OR1J2: variants seen among roughly 807,000 people sequenced by gnomAD.
OR1J2 encodes olfactory receptor family 1 subfamily J member 2, also known as olfactory receptor 1J2.
For missense variants in OR1J2, 304 were observed against 246.1 expected, an observed-to-expected ratio of 1.24 and a Z score of -1.57; for synonymous variants, 142 against 99.7, an observed-to-expected ratio of 1.42 and a Z score of -2.52.
At chr9:122,535,173 T>C in the OR1J2 span, among the ~76,000 whole-genome samples, 1 of 150,590 alleles carries the variant, frequency 6.6e-6, no homozygotes, top group East Asian at 2.0e-4. Flanking sequence ...GGAAAGGGGT[T>C]GGGGCATGGA....
chr9:122,560,993 A>G, the OR1J2 span, among the ~76,000 whole-genome samples: 1 of 152,140 alleles, frequency 6.6e-6, no homozygotes, highest in Non-Finnish European at 1.5e-5. Context: ...CTTTTTACAT[A>G]GTCCCATATT....
At chr9:122,470,427 T>G in the OR1J2 span, among the ~76,000 whole-genome samples, 1 of 152,184 alleles carries the variant, frequency 6.6e-6, no homozygotes, top group Non-Finnish European at 1.5e-5. Flanking sequence ...AGATTTCAGA[T>G]GTATGGAAAT....
At chr9:122,496,544 T>C in the OR1J2 span, among the ~76,000 whole-genome samples, 1 of 152,144 alleles carries the variant, frequency 6.6e-6, no homozygotes, top group Non-Finnish European at 1.5e-5. Flanking sequence ...TTTATTTTGC[T>C]AAGGTTGAGG....
chr9:122,484,829 T>C, the OR1J2 span, among the ~76,000 whole-genome samples: 1 of 152,152 alleles, frequency 6.6e-6, no homozygotes, highest in Admixed American at 6.5e-5. Flanking sequence ...GCTCAGTAGT[T>C]TGAGACCAGC....
chr9:122,472,250 G>T, the OR1J2 span, among the ~76,000 whole-genome samples: 29 of 152,298 alleles, frequency 1.9e-4, no homozygotes, highest in African/African-American at 7.0e-4. Context: ...AGTAGTTAAA[G>T]TCCTTTTAGA....
At chr9:122,508,305 G>A (rs1828568850), upstream of OR1J2, among the ~76,000 whole-genome samples, 1 of 152,132 alleles carries the variant, frequency 6.6e-6, no homozygotes, top group Non-Finnish European at 1.5e-5. Context: ...ATGTATGTTA[G>A]GGTGGGGATG....
chr9:122,561,828 C>G, the OR1J2 span, among the ~76,000 whole-genome samples: 1 of 152,146 alleles, frequency 6.6e-6, no homozygotes, highest in Admixed American at 6.5e-5. Flanking sequence ...GCACTGGGAG[C>G]AGGACCCATT....
the OR1J2 span, among the ~76,000 whole-genome samples, chr9:122,520,544 ATTCACTGTCATAAG>A: frequency 6.6e-6 from 1 of 152,212 alleles, no homozygotes; most frequent in South Asian, 2.1e-4. Context: ...CCAAAAAGCT[ATTCACTGTCATAAG>A]TTCAGCTGTT....
chr9:122,528,208 A>G, the OR1J2 span, among the ~76,000 whole-genome samples: 1 of 152,208 alleles, frequency 6.6e-6, no homozygotes, highest in Non-Finnish European at 1.5e-5. Flanking sequence ...ACGAAATTTA[A>G]GAACTAGATA....
At chr9:122,552,255 C>T in the OR1J2 span, among the ~76,000 whole-genome samples, 1 of 152,044 alleles carries the variant, frequency 6.6e-6, no homozygotes, top group Non-Finnish European at 1.5e-5. Flanking sequence ...TCTACAAGAT[C>T]AATATGAAAT....
the OR1J2 span, among the ~76,000 whole-genome samples, chr9:122,579,503 C>T: frequency 6.6e-6 from 1 of 152,106 alleles, no homozygotes; most frequent in African/African-American, 2.4e-5. Flanking sequence ...TTCAGGTTGT[C>T]AACTAATAGC....
chr9:122,509,041 C>T (rs1179656597), upstream of OR1J2, among the ~76,000 whole-genome samples: 1 of 152,232 alleles, frequency 6.6e-6, no homozygotes, highest in Non-Finnish European at 1.5e-5. Context: ...TCAGACTCTT[C>T]TATGTCTTCT....
the OR1J2 span, among the ~76,000 whole-genome samples, chr9:122,561,725 G>A: frequency 1.3e-5 from 2 of 152,090 alleles, no homozygotes; most frequent in Admixed American, 6.5e-5. Flanking sequence ...CATTGGTATC[G>A]CTGACCTTGA....
the OR1J2 span, among the ~76,000 whole-genome samples, chr9:122,464,314 G>A: frequency 3.3e-5 from 5 of 152,140 alleles, no homozygotes; most frequent in Non-Finnish European, 7.4e-5. Flanking sequence ...CGCCCCCACC[G>A]CCCGCCAGCA....
chr9:122,469,575 TGAAAA>T, the OR1J2 span, among the ~76,000 whole-genome samples: 1 of 152,154 alleles, frequency 6.6e-6, no homozygotes, highest in South Asian at 2.1e-4. Flanking sequence ...GGGGCACTGC[TGAAAA>T]GATACCCGAA....
chr9:122,545,356 AT>A, the OR1J2 span, among the ~76,000 whole-genome samples: 5 of 152,112 alleles, frequency 3.3e-5, no homozygotes, highest in South Asian at 1.0e-3. Flanking sequence ...TTATTCAAAT[AT>A]TTTATATATT....
At chr9:122,495,680 T>C in the OR1J2 span, among the ~76,000 whole-genome samples, 1 of 152,172 alleles carries the variant, frequency 6.6e-6, no homozygotes, top group Non-Finnish European at 1.5e-5. Context: ...TGAATTCTTT[T>C]TCTGGCAATT....
At chr9:122,568,046 C>G in the OR1J2 span, 470,200 of 1,613,652 alleles carry the variant, frequency 0.29, 77,912 homozygotes, top group East Asian at 0.83. Flanking sequence ...AGGCCACCAG[C>G]AGGACACAGT....
the OR1J2 span, among the ~76,000 whole-genome samples, chr9:122,531,702 C>T: frequency 0.75 from 114,765 of 152,064 alleles, 43,955 homozygotes; most frequent in East Asian, 1. Flanking sequence ...GACTGAGGAC[C>T]GTAAGGGATA....
Sources: gnomAD v4.1 joint callset for allele counts (sites outside exome capture counted in the v4.1 genomes callset) on GRCh38, gnomAD v4.1.1 for gene constraint, MANE v1.5 for transcripts, NCBI Gene and HGNC (gene_info 2026-07-23, HGNC 2026-07-21) for gene names.